Variants in STPG2 observed in about 807,000 individuals in gnomAD.
STPG2 encodes the protein sperm tail PG-rich repeat containing 2, also known as sperm-tail PG-rich repeat-containing protein 2.
STPG2 carries 56 observed loss-of-function variants against 54.2 expected under a neutral mutation model. The observed-to-expected ratio is 1.03, with a 90% CI of 0.83 to 1.29. The LOEUF is 1.29. STPG2 is among the 50% of genes most tolerant of loss of function. The probability of loss-of-function intolerance (pLI) is 0.00; values close to 1 mark genes in which losing one functional copy is unlikely to be tolerated. For missense variants in STPG2, 596 were observed against 544.9 expected (o/e 1.09, Z -0.93); for synonymous variants, 200 against 181.8 (o/e 1.10, Z -0.81).
chr4:97,907,441 C>T (rs1731478863), intron 8 of STPG2, among the ~76,000 whole-genome samples: 3 of 152,098 alleles, frequency 2.0e-5, no homozygotes, highest in African/African-American at 4.8e-5. Context: ...GGCCATACTG[C>T]CCAAGGTAAT....
At position 97,883,374 on chromosome 4, in the gene STPG2, C is replaced by T. The variant is rs372285730; in HGVS notation, c.1045-42442G>A. Among the ~76,000 whole-genome samples the T allele has an allele frequency of 2.0e-5, 3 of 150,254 alleles. No individual in the cohort carries two copies. The Middle Eastern group carries it at 0.01, about 515-fold the overall frequency. On this transcript the variant is annotated intron_variant, in intron 8 of 10. Coordinates refer to ENST00000295268, the MANE Select transcript of STPG2 (RefSeq NM_174952.3). The stretch of plus-strand genomic sequence containing the variant: ...GTACACTCCAGCCTAAGTGACAGAG[C>T]AAGACCTTGTCTAAAATTTTTAAGA...
At chr4:97,753,481 A>G (rs939876046) in intron 9 of STPG2, among the ~76,000 whole-genome samples, 1 of 151,992 alleles carries the variant, frequency 6.6e-6, no homozygotes, top group East Asian at 1.9e-4. Context: ...CCACTCATCT[A>G]TTGATGGACA....
At chr4:98,060,294 T>C (rs775233217) in intron 5 of STPG2, among the ~76,000 whole-genome samples, 83 of 151,886 alleles carry the variant, frequency 5.5e-4, no homozygotes, top group Non-Finnish European at 1.1e-3. Flanking sequence ...AACAGCCAAA[T>C]CAGAAAGTCA....
intron 6 of STPG2, among the ~76,000 whole-genome samples, chr4:97,977,513 T>G (rs914306140): frequency 6.6e-6 from 1 of 152,298 alleles, no homozygotes; most frequent in South Asian, 2.1e-4. Context: ...AAGTTTACAA[T>G]AATAAATACT....
chr4:98,050,954 G>A (rs1036778342), intron 5 of STPG2, among the ~76,000 whole-genome samples: 11 of 151,444 alleles, frequency 7.3e-5, no homozygotes, highest in South Asian at 2.1e-4. Context: ...GCAGTGAGCC[G>A]AGATCGTGCC....
chr4:97,918,755 A>T, intron 8 of STPG2, among the ~76,000 whole-genome samples: 1 of 152,130 alleles, frequency 6.6e-6, no homozygotes, highest in Non-Finnish European at 1.5e-5. Flanking sequence ...TATAAGTAGG[A>T]GTTAAGCTAT....
chr4:97,627,740 C>T (rs1028439660), intron 10 of STPG2, among the ~76,000 whole-genome samples: 2 of 151,874 alleles, frequency 1.3e-5, no homozygotes, highest in African/African-American at 4.8e-5. Context: ...AGAAACAAAA[C>T]CAATAGTAAA....
chr4:97,918,713 G>T (rs1056313163), intron 8 of STPG2, among the ~76,000 whole-genome samples: 3 of 151,940 alleles, frequency 2.0e-5, no homozygotes, highest in Non-Finnish European at 4.4e-5. Flanking sequence ...AGTAACTCAG[G>T]AATGGAAAAC....
intron 9 of STPG2, among the ~76,000 whole-genome samples, chr4:97,788,525 G>A (rs1218374233): frequency 6.6e-6 from 1 of 152,044 alleles, no homozygotes; most frequent in Non-Finnish European, 1.5e-5. Flanking sequence ...GAACAGTGCT[G>A]CCATAAACAT....
At chr4:98,102,489 T>C (rs1739067113) in intron 5 of STPG2, among the ~76,000 whole-genome samples, 1 of 148,962 alleles carries the variant, frequency 6.7e-6, no homozygotes, top group African/African-American at 2.5e-5. Flanking sequence ...ATCTCTTTCA[T>C]CATCCATTCT....
chr4:97,848,480 G>A (rs1729037509), intron 8 of STPG2, among the ~76,000 whole-genome samples: 1 of 152,058 alleles, frequency 6.6e-6, no homozygotes, highest in Non-Finnish European at 1.5e-5. Context: ...TAGGAATCTA[G>A]GGGTATACAA....
chr4:97,647,879 G>A (rs1721954802), intron 10 of STPG2, among the ~76,000 whole-genome samples: 1 of 152,140 alleles, frequency 6.6e-6, no homozygotes, highest in Non-Finnish European at 1.5e-5. Context: ...AGGGGCCAGT[G>A]TGGGTCTAAA....
chr4:98,055,170 T>C (rs758087792), intron 5 of STPG2, among the ~76,000 whole-genome samples: 59 of 152,036 alleles, frequency 3.9e-4, no homozygotes, highest in Non-Finnish European at 5.4e-4. Flanking sequence ...GAACTGCCAA[T>C]ATAATTTTGG....
intron 4 of STPG2, among the ~76,000 whole-genome samples, chr4:97,522,002 G>A (rs570681380): frequency 6.6e-6 from 1 of 151,980 alleles, no homozygotes; most frequent in South Asian, 2.1e-4. Flanking sequence ...ATAGCTACCA[G>A]TACTACAAAA....
intron 8 of STPG2, among the ~76,000 whole-genome samples, chr4:97,904,204 A>C (rs1007319131): frequency 6.6e-6 from 1 of 152,210 alleles, no homozygotes; most frequent in Non-Finnish European, 1.5e-5. Context: ...GTCCCTGTCT[A>C]ACAGCTTTGA....
intron 7 of STPG2, among the ~76,000 whole-genome samples, chr4:97,962,933 G>A (rs1218717064): frequency 1.3e-5 from 2 of 152,154 alleles, no homozygotes; most frequent in Non-Finnish European, 2.9e-5. Context: ...AGCTGAGGCA[G>A]GTGGATCATG....
chr4:97,453,761 C>T (rs974192704), intron 4 of STPG2, among the ~76,000 whole-genome samples: 4 of 152,096 alleles, frequency 2.6e-5, no homozygotes, highest in Non-Finnish European at 4.4e-5. Context: ...TACTGGAGTC[C>T]GACTAGTATT....
chr4:97,536,207 T>A (rs1731527091), intron 4 of STPG2, among the ~76,000 whole-genome samples: 1 of 152,230 alleles, frequency 6.6e-6, no homozygotes, highest in Admixed American at 6.5e-5. Context: ...GTCATTGCAC[T>A]TAACATGATT....
chr4:97,676,054 T>C (rs1722833153), intron 10 of STPG2, among the ~76,000 whole-genome samples: 3 of 146,600 alleles, frequency 2.0e-5, no homozygotes, highest in Non-Finnish European at 3.0e-5. Context: ...TACTAAAATA[T>C]ATATACTAAA....
Sources: allele counts gnomAD v4.1 joint callset (sites outside exome capture counted in the v4.1 genomes callset), GRCh38; gene constraint gnomAD v4.1.1; transcripts MANE v1.5; gene names NCBI Gene and HGNC (gene_info 2026-07-23, HGNC 2026-07-21).